Variants in TRERF1 observed in about 807,000 individuals in gnomAD.
The protein encoded by TRERF1 is transcriptional-regulating factor 1.
A neutral mutation model predicts 122.9 loss-of-function variants in TRERF1; 27 were observed. The ratio of observed to expected loss-of-function variants is 0.22; its 90% confidence interval spans 0.16 to 0.30. The LOEUF is 0.30. TRERF1 is among the 10% of genes least tolerant of loss of function. The pLI, the probability that TRERF1 is intolerant of heterozygous loss-of-function variation, is 1.00. For missense variants in TRERF1, 1,248 were observed against 1,560.3 expected (o/e 0.80, Z 3.37); for synonymous variants, 636 against 641.7 (o/e 0.99, Z 0.13).
chr6:42,436,623 A>C (rs1785408825), intron 2 of TRERF1, among the ~76,000 whole-genome samples: 2 of 151,676 alleles, frequency 1.3e-5, no homozygotes, highest in South Asian at 4.2e-4. Context: ...AGGCAGTCTG[A>C]CTGCAGTGCT....
chr6:42,429,384 G>A (rs747075941), intron 2 of TRERF1, among the ~76,000 whole-genome samples: 30 of 152,084 alleles, frequency 2.0e-4, no homozygotes, highest in African/African-American at 4.3e-4. Flanking sequence ...GCTCCGGGCC[G>A]TCCTAAGTGA....
At chr6:42,422,087 G>A (rs948412869) in intron 2 of TRERF1, among the ~76,000 whole-genome samples, 7 of 151,928 alleles carry the variant, frequency 4.6e-5, no homozygotes, top group South Asian at 2.1e-4. Context: ...AGGAAGAATC[G>A]TTTGAACCCA....
intron 3 of TRERF1, among the ~76,000 whole-genome samples, chr6:42,331,009 G>GA (rs1213929703): frequency 6.6e-6 from 1 of 152,120 alleles, no homozygotes; most frequent in Non-Finnish European, 1.5e-5. Flanking sequence ...AAGCTGTAGG[G>GA]AGGAACAATC....
intron 5 of TRERF1, among the ~76,000 whole-genome samples, chr6:42,266,347 C>T (rs1033470748): frequency 6.6e-6 from 1 of 152,026 alleles, no homozygotes; most frequent in African/African-American, 2.4e-5. Flanking sequence ...CGCCACAACA[C>T]CCAGCTAAAT....
chr6:42,364,595 A>C (rs990914142), intron 2 of TRERF1, among the ~76,000 whole-genome samples: 2 of 152,200 alleles, frequency 1.3e-5, no homozygotes, highest in East Asian at 3.9e-4. Context: ...CAAAAGCAGC[A>C]AAGAGCCCAG....
In TRERF1 at chr6:42,268,935, G is replaced by C; in HGVS notation, c.656C>G (p.Pro219Arg). Reference sequence around the variant, plus strand: ...AGGGTGCTGCCCGACCTGAAGAGCTGGTTTGGACAGCCCACCAGTGAAACC... The same window carrying C: ...AGGGTGCTGCCCGACCTGAAGAGCTCGTTTGGACAGCCCACCAGTGAAACC... Residue 219 changes from proline (P) to arginine (R), a missense_variant, in exon 5 of 18, where the codon CCA (proline) becomes CGA (arginine). Physicochemically the swap from Pro to Arg is moderately radical, Grantham distance 103. Transcript: ENST00000372922. This position sits in a 1 kb window ranked among gnomAD's most constrained non-coding sequence, Gnocchi z 4.4. 1 of 1,612,466 alleles carries C rather than the reference G, an allele frequency of 6.2e-7. No homozygotes were observed. Among genetic ancestry groups the C allele is most frequent in the African/African-American group, 1.3e-5 (1 of 74,992 alleles).
chr6:42,228,451 ACGT>A lies in TRERF1; in HGVS notation c.3494_3496del (p.Asp1165del), dbSNP rs752565820. The A allele has an allele frequency of 3.7e-6, 6 of 1,614,098 alleles. No individual in the cohort carries two copies. Among genetic ancestry groups the A allele is most frequent in the Non-Finnish European group, 5.1e-6 (6 of 1,180,050 alleles). Reference sequence around the variant, plus strand: ...CATGACACCTCCCAACTGCTGGACGACGTCGTCGTCGAGGATGTCCACATCCTT... The same window carrying A: ...CATGACACCTCCCAACTGCTGGACGACGTCGTCGAGGATGTCCACATCCTT... On this transcript the variant is annotated inframe_deletion, in exon 18 of 18. Transcript: ENST00000372922. The surrounding 1 kb of genome is among the most constrained non-coding windows in gnomAD (Gnocchi z 4.2).
Position 42,268,802 on chromosome 6 carries a change from C to G in TRERF1, c.789G>C (p.Gln263His), listed in dbSNP as rs1420108664. Residue 263 changes from glutamine (Q) to histidine (H), a missense_variant, in exon 5 of 18, where the codon CAG (glutamine) becomes CAC (histidine). Physicochemically the swap from Gln to His is conservative, Grantham distance 24. Coordinates refer to ENST00000372922, the Ensembl canonical transcript of TRERF1. The surrounding 1 kb of genome is among the most constrained non-coding windows in gnomAD (Gnocchi z 4.4). ...GTGGGTAATACTGGTGCTGCTGCAT[C>G]TGTTGCATGTGCTGTGACAGCATCT... The G allele has an allele frequency of 6.2e-7, 1 of 1,614,194 alleles. No individual in the cohort carries two copies. The highest frequency in any genetic ancestry group is 8.5e-7 in the Non-Finnish European group (1 of 1,180,046).
chr6:42,373,550 C>T (rs1774180042), intron 2 of TRERF1, among the ~76,000 whole-genome samples: 1 of 152,040 alleles, frequency 6.6e-6, no homozygotes, highest in African/African-American at 2.4e-5. Context: ...ACCTGTAGTC[C>T]CAGCTACTCG....
chr6:42,234,775 T>C (rs866398130), intron 16 of TRERF1, among the ~76,000 whole-genome samples: 2 of 152,328 alleles, frequency 1.3e-5, no homozygotes, highest in South Asian at 4.1e-4. Flanking sequence ...TTAAAAAATA[T>C]CTTTTCCCTT....
chr6:42,302,383 C>A (rs986323171), intron 3 of TRERF1, among the ~76,000 whole-genome samples: 7 of 152,160 alleles, frequency 4.6e-5, no homozygotes, highest in Non-Finnish European at 8.8e-5. Context: ...AGTGCTCATT[C>A]TTCTAAATTC....
intron 3 of TRERF1, among the ~76,000 whole-genome samples, chr6:42,360,771 T>TA (rs55924002): frequency 0.041 from 1,496 of 36,404 alleles, 54 homozygotes; most frequent in Non-Finnish European, 0.051. Flanking sequence ...GTGGAGAGAT[T>TA]AAAAAAAAAA....
intron 3 of TRERF1, among the ~76,000 whole-genome samples, chr6:42,344,085 G>A (rs1017465591): frequency 6.6e-6 from 1 of 152,224 alleles, no homozygotes; most frequent in African/African-American, 2.4e-5. Flanking sequence ...CCACCTGAAG[G>A]AGAAGGAGCT....
intron 15 of TRERF1, among the ~76,000 whole-genome samples, chr6:42,239,073 T>G (rs1357445491): frequency 6.6e-6 from 1 of 152,170 alleles, no homozygotes; most frequent in African/African-American, 2.4e-5. Context: ...TGTTTATCCA[T>G]CTGTAAATGG....
At chr6:42,364,654 G>A (rs1305547384) in intron 2 of TRERF1, among the ~76,000 whole-genome samples, 2 of 152,228 alleles carry the variant, frequency 1.3e-5, no homozygotes, top group Non-Finnish European at 2.9e-5. Context: ...TGGAAGCCGT[G>A]GGTGACCTTA....
rs948495564 is a variant in TRERF1 at position 42,276,199 on chromosome 6, TA to T, written c.-258-6352del. Among the ~76,000 whole-genome samples, 10 of 152,244 alleles carry T rather than the reference TA, an allele frequency of 6.6e-5. No individual in the cohort carries two copies. Among genetic ancestry groups the T allele is most frequent in the Admixed American group, 3.3e-4 (5 of 15,296 alleles). ...CAGTCTGCAAGAAGGATATCTGTCC[TA>T]AGGGCCACCCTTTGAACCAGAGACA... On this transcript the variant is annotated intron_variant, in intron 4 of 17. Transcript: ENST00000372922. The surrounding 1 kb of genome is among the most constrained non-coding windows in gnomAD (Gnocchi z 4.3).
rs1210329229 is a variant in TRERF1, at chr6:42,228,511, G to C, written c.3437C>G (p.Pro1146Arg). 2 of 1,614,030 alleles carry C rather than the reference G, an allele frequency of 1.2e-6. No individual in the cohort carries two copies. Among genetic ancestry groups the C allele is most frequent in the Non-Finnish European group, 1.7e-6 (2 of 1,180,040 alleles). Residue 1146 changes from proline (P) to arginine (R), a missense_variant, in exon 18 of 18, where the codon CCC (proline) becomes CGC (arginine). Physicochemically the swap from Pro to Arg is moderately radical, Grantham distance 103. Around this residue, in one of 5 missense-constraint regions of TRERF1, gnomAD observed 84 missense variants for 116.0 expected, o/e 0.72. Coordinates refer to ENST00000372922, the Ensembl canonical transcript of TRERF1. The surrounding 1 kb of genome is among the most constrained non-coding windows in gnomAD (Gnocchi z 4.2). ...TTTGATCAGACTCAGCTGGTCCAGG[G>C]GCAGCAGCCCCGGCGCCCCCACGGG... is the stretch of plus-strand genomic sequence containing the variant.
In TRERF1 at chr6:42,269,828, G is replaced by GTCTA; in HGVS notation, c.-239_-238insTAGA. The GTCTA allele has an allele frequency of 6.2e-6, 7 of 1,123,442 alleles. No individual in the cohort carries two copies. Among genetic ancestry groups the GTCTA allele is most frequent in the Non-Finnish European group, 8.3e-6 (7 of 842,554 alleles). The allele number at this position is 1,123,442 out of a possible 1,614,324, so 69.6% of individuals were successfully genotyped here. ...GAGGTATAGACCACACAGCACTGTGGTGAGGAGACGTCGCTCACACCTGCA... is the reference window on the plus strand; with the variant it reads ...GAGGTATAGACCACACAGCACTGTGGTCTATGAGGAGACGTCGCTCACACCTGCA... On this transcript the variant is annotated 5_prime_UTR_variant, in exon 5 of 18. The change abolishes the stop of an existing upstream ORF in the 5' untranslated region. Coordinates refer to ENST00000372922, the Ensembl canonical transcript of TRERF1. The surrounding 1 kb of genome is among the most constrained non-coding windows in gnomAD (Gnocchi z 4.9).
At chr6:42,370,004 C>T (rs1318246210) in intron 2 of TRERF1, among the ~76,000 whole-genome samples, 1 of 152,202 alleles carries the variant, frequency 6.6e-6, no homozygotes, top group Non-Finnish European at 1.5e-5. Flanking sequence ...ACAAGCCATA[C>T]TAACAGTTTT....
Sources: allele counts gnomAD v4.1 joint callset (sites outside exome capture counted in the v4.1 genomes callset), GRCh38; gene constraint gnomAD v4.1.1; regional missense constraint gnomAD v4.1.1; non-coding constraint Gnocchi (gnomAD v3.1); transcripts MANE v1.5; gene names NCBI Gene and HGNC (gene_info 2026-07-23, HGNC 2026-07-21).